Variants in GALNT17 observed in about 807,000 individuals in gnomAD.
GALNT17 encodes the protein polypeptide N-acetylgalactosaminyltransferase 17, also known as UDP-GalNAc:polypeptide N-acetylgalactosaminyltransferase-like 3.
In GALNT17, 29 loss-of-function variants were observed where a neutral mutation model predicts 63.7. That is an observed-to-expected ratio of 0.46 (90% CI 0.34 to 0.62). GALNT17 has a LOEUF of 0.62. Ranked by LOEUF, GALNT17 falls within the 20% of genes least tolerant of loss-of-function variation. The pLI, the probability that GALNT17 is intolerant of heterozygous loss-of-function variation, is 0.01. For missense variants in GALNT17, 603 were observed against 799.6 expected (o/e 0.75, Z 2.97); for synonymous variants, 305 against 318.3 (o/e 0.96, Z 0.45).
chr7:71,480,047 TG>T (rs1174550151), intron 5 of GALNT17, among the ~76,000 whole-genome samples: 1 of 152,110 alleles, frequency 6.6e-6, no homozygotes, highest in African/African-American at 2.4e-5. Context: ...CAATATTTGA[TG>T]CTTGTTTTCA....
chr7:71,465,755 C>T (rs926758210), intron 5 of GALNT17, among the ~76,000 whole-genome samples: 2 of 152,148 alleles, frequency 1.3e-5, no homozygotes, highest in East Asian at 1.9e-4. Flanking sequence ...AATCCACCAA[C>T]GAGGTTCCGA....
In GALNT17 at chr7:71,153,500, G is replaced by T. The variant is rs142983656; in HGVS notation, c.238+20460G>T. On this transcript the variant is annotated intron_variant, in intron 1 of 10. Coordinates refer to ENST00000333538, the MANE Select transcript of GALNT17 (RefSeq NM_022479.3). ...GATCAGAAAGGTAGAGTCGATGATG[G>T]AAAGTCTGTTTTCATGTAAACAGTG... Among the ~76,000 whole-genome samples the T allele has an allele frequency of 1.2e-3, 187 of 152,302 alleles. 1 individual carries two copies. The highest frequency in any genetic ancestry group is 4.3e-3 in the African/African-American group (177 of 41,578).
At chr7:71,265,098 T>TTTTATATATATATATATATA (rs144493671) in intron 1 of GALNT17, among the ~76,000 whole-genome samples, 1,274 of 77,906 alleles carry the variant, frequency 0.016, 206 homozygotes, top group Non-Finnish European at 0.022. Context: ...CCCATAAATA[T>TTTTATATATATATATATATA]TATATATATA....
At chr7:71,326,052 T>C (rs1161724198) in intron 1 of GALNT17, among the ~76,000 whole-genome samples, 1 of 152,218 alleles carries the variant, frequency 6.6e-6, no homozygotes, top group African/African-American at 2.4e-5. Flanking sequence ...TTTTGTTTTT[T>C]TAAAACAATT....
At chr7:71,414,197 C>T (rs760238706) in intron 3 of GALNT17, among the ~76,000 whole-genome samples, 6 of 152,014 alleles carry the variant, frequency 3.9e-5, no homozygotes, top group East Asian at 1.9e-4. Flanking sequence ...GCTGAGATCG[C>T]GCCACTGCAT....
intron 5 of GALNT17, among the ~76,000 whole-genome samples, chr7:71,488,003 G>A (rs1787941203): frequency 6.6e-6 from 1 of 151,920 alleles, no homozygotes; most frequent in South Asian, 2.1e-4. Flanking sequence ...GACCCTGTCT[G>A]TATAACAAGT....
At chr7:71,582,029 A>G (rs374174464) in intron 6 of GALNT17, among the ~76,000 whole-genome samples, 1 of 152,196 alleles carries the variant, frequency 6.6e-6, no homozygotes, top group Admixed American at 6.5e-5. Context: ...TACAGCAGGT[A>G]GTGGCCATAT....
At chr7:71,355,966 T>C (rs1357566579) in intron 2 of GALNT17, among the ~76,000 whole-genome samples, 1 of 152,134 alleles carries the variant, frequency 6.6e-6, no homozygotes, top group Non-Finnish European at 1.5e-5. Context: ...TTACTTTGTA[T>C]ATACGGAGTC....
At chr7:71,647,867 A>G (rs1790702612) in intron 6 of GALNT17, among the ~76,000 whole-genome samples, 1 of 152,224 alleles carries the variant, frequency 6.6e-6, no homozygotes, top group Non-Finnish European at 1.5e-5. Context: ...TAGTGAGACA[A>G]CAAGAGAGTC....
chr7:71,368,156 A>G (rs1792550302), intron 2 of GALNT17, among the ~76,000 whole-genome samples: 1 of 152,236 alleles, frequency 6.6e-6, no homozygotes, highest in African/African-American at 2.4e-5. Context: ...TTGGACCTGA[A>G]GGGATGCTAT....
chr7:71,452,545 CA>C (rs1787282902), intron 5 of GALNT17, among the ~76,000 whole-genome samples: 1 of 151,800 alleles, frequency 6.6e-6, no homozygotes, highest in African/African-American at 2.4e-5. Flanking sequence ...GACTCCGTCT[CA>C]AAAAAATTTA....
intron 9 of GALNT17, among the ~76,000 whole-genome samples, chr7:71,697,845 G>A (rs7786574): frequency 0.14 from 20,803 of 151,764 alleles, 1,632 homozygotes; most frequent in African/African-American, 0.2. Context: ...TGTATCAGCC[G>A]GGAGTGGTGG....
intron 1 of GALNT17, among the ~76,000 whole-genome samples, chr7:71,255,813 C>A (rs1004145381): frequency 2.6e-5 from 4 of 152,130 alleles, no homozygotes; most frequent in Non-Finnish European, 5.9e-5. Flanking sequence ...AGACTAGATA[C>A]ATCTGCTGTA....
intron 2 of GALNT17, among the ~76,000 whole-genome samples, chr7:71,338,075 C>T (rs552267013): frequency 6.6e-6 from 1 of 152,064 alleles, no homozygotes; most frequent in East Asian, 1.9e-4. Context: ...GGCCTGTAAT[C>T]CCAGCACTTT....
Position 71,712,330 on chromosome 7 carries a change from C to A in GALNT17, c.*184C>A. Reference sequence around the variant, plus strand: ...ACTCTGTCCCCCCTCAGGCATTCAGCTGCCCACAAGTTTCCTGCACCCTGG... The same window carrying A: ...ACTCTGTCCCCCCTCAGGCATTCAGATGCCCACAAGTTTCCTGCACCCTGG... On this transcript the variant is annotated 3_prime_UTR_variant, in exon 11 of 11. Coordinates refer to ENST00000333538, the MANE Select transcript of GALNT17 (RefSeq NM_022479.3). The A allele has an allele frequency of 3.1e-6, 2 of 647,474 alleles. No homozygotes were observed. Among genetic ancestry groups the A allele is most frequent in the Non-Finnish European group, 4.9e-6 (2 of 407,474 alleles). 40.1% of individuals were successfully genotyped at this position (647,474 alleles called of 1,614,324 possible). A position where few individuals can be genotyped will look rare whatever the true frequency, so the allele number is the denominator to read the frequency against.
intron 2 of GALNT17, 115 bp from the exon 3 acceptor site, chr7:71,388,120 C>A: frequency 8.9e-7 from 1 of 1,118,430 alleles, no homozygotes; most frequent in East Asian, 2.4e-5. Flanking sequence ...ACCAGTGATT[C>A]ACGCCTTGGG....
At chr7:71,657,871 TGG>T (rs1310410337) in intron 6 of GALNT17, among the ~76,000 whole-genome samples, 13 of 28,640 alleles carry the variant, frequency 4.5e-4, no homozygotes, top group Non-Finnish European at 9.8e-4. Flanking sequence ...GATGGATGGA[TGG>T]ATGGATGGAT....
At chr7:71,457,966 G>A (rs1408530146) in intron 5 of GALNT17, among the ~76,000 whole-genome samples, 1 of 152,100 alleles carries the variant, frequency 6.6e-6, no homozygotes, top group Non-Finnish European at 1.5e-5. Flanking sequence ...ATCTCCAGAA[G>A]GCAGGGACAC....
chr7:71,379,712 G>T (rs376145974), intron 2 of GALNT17, among the ~76,000 whole-genome samples: 3 of 152,186 alleles, frequency 2.0e-5, no homozygotes, highest in African/African-American at 7.2e-5. Flanking sequence ...AAAAAGAGGA[G>T]GTTTCAGTTT....
Sources: allele counts gnomAD v4.1 joint callset (sites outside exome capture counted in the v4.1 genomes callset), GRCh38; gene constraint gnomAD v4.1.1; transcripts MANE v1.5; gene names NCBI Gene and HGNC (gene_info 2026-07-23, HGNC 2026-07-21).